The following NRG3 variants were observed in gnomAD, a reference collection of about 807,000 sequenced individuals.
NRG3 encodes the protein neuregulin 3.
NRG3 carries 31 observed loss-of-function variants against 66.9 expected under a neutral mutation model. That is an observed-to-expected ratio of 0.46 (90% CI 0.35 to 0.63). The LOEUF (loss-of-function observed/expected upper bound fraction) is 0.63, where lower values mean the gene tolerates loss of function less well. Ranked by LOEUF, NRG3 falls within the 20% of genes least tolerant of loss-of-function variation. The pLI is 0.00. For missense variants in NRG3, 910 were observed against 878.9 expected, an observed-to-expected ratio of 1.04 and a Z score of -0.45; for synonymous variants, 393 against 359.4, an observed-to-expected ratio of 1.09 and a Z score of -1.06.
chr10:82,309,164 A>G (rs2080895334), intron 1 of NRG3, among the ~76,000 whole-genome samples: 1 of 152,228 alleles, frequency 6.6e-6, no homozygotes, highest in Non-Finnish European at 1.5e-5. Context: ...AGCTCTGAAT[A>G]GAGAAGCTTT....
At chr10:81,876,823 C>T (rs559234429) in intron 1 of NRG3, among the ~76,000 whole-genome samples, 1 of 152,118 alleles carries the variant, frequency 6.6e-6, no homozygotes. Context: ...TGTGGCCATT[C>T]CAAGGTGTAG....
intron 3 of NRG3, among the ~76,000 whole-genome samples, chr10:82,861,210 T>C (rs2064108799): frequency 6.6e-6 from 1 of 151,928 alleles, no homozygotes; most frequent in Non-Finnish European, 1.5e-5. Context: ...AAGAGAAAAA[T>C]AATTTACATG....
At chr10:82,720,810 C>CATATACATATATATCTATATATAT (rs571675177) in intron 2 of NRG3, among the ~76,000 whole-genome samples, 1 of 114,740 alleles carries the variant, frequency 8.7e-6, no homozygotes. Context: ...GTATTTTATA[C>CATATACATATATATCTATATATAT]ATATATATAT....
At chr10:82,234,658 A>C (rs2076667987) in intron 1 of NRG3, among the ~76,000 whole-genome samples, 1 of 152,258 alleles carries the variant, frequency 6.6e-6, no homozygotes, top group South Asian at 2.1e-4. Flanking sequence ...TATTAACAAA[A>C]CATGAAAGAG....
At chr10:82,411,009 A>G (rs1049238301) in intron 2 of NRG3, among the ~76,000 whole-genome samples, 2 of 152,154 alleles carry the variant, frequency 1.3e-5, no homozygotes, top group African/African-American at 4.8e-5. Context: ...TTTACACTGG[A>G]CAAATTGTTG....
At chr10:82,713,928 GTGGATGGATGCCC>G (rs2056825281) in intron 2 of NRG3, among the ~76,000 whole-genome samples, 1 of 152,156 alleles carries the variant, frequency 6.6e-6, no homozygotes, top group Non-Finnish European at 1.5e-5. Flanking sequence ...TCCTGAAGAT[GTGGATGGATGCCC>G]TGCTGTCCCA....
intron 1 of NRG3, among the ~76,000 whole-genome samples, chr10:82,167,960 A>G (rs1464222801): frequency 6.6e-6 from 1 of 151,976 alleles, no homozygotes; most frequent in South Asian, 2.1e-4. Flanking sequence ...CTTCTTTTAT[A>G]TTGCTAAAGT....
chr10:82,980,242 T>C (rs1009007907), intron 8 of NRG3, among the ~76,000 whole-genome samples: 2 of 151,692 alleles, frequency 1.3e-5, no homozygotes, highest in Non-Finnish European at 2.9e-5. Context: ...TTGAGTAAAA[T>C]AATATCAACC....
At chr10:81,982,534 A>G (rs1049144813) in intron 1 of NRG3, among the ~76,000 whole-genome samples, 3 of 152,312 alleles carry the variant, frequency 2.0e-5, no homozygotes, top group Admixed American at 2.0e-4. Flanking sequence ...ACAAAATACC[A>G]CAGACAACAA....
At chr10:82,398,526 T>TGTGTGTGTGAGAGAGA (rs373924370) in intron 2 of NRG3, among the ~76,000 whole-genome samples, 2 of 136,518 alleles carry the variant, frequency 1.5e-5, no homozygotes, top group Non-Finnish European at 3.1e-5. Context: ...TGTGTGTGTG[T>TGTGTGTGTGAGAGAGA]GAGAGAGAGA....
intron 2 of NRG3, among the ~76,000 whole-genome samples, chr10:82,711,025 G>T (rs915344744): frequency 3.3e-5 from 5 of 152,114 alleles, no homozygotes; most frequent in Admixed American, 3.3e-4. Flanking sequence ...TCTTGCCTCA[G>T]TCTCCCAAGT....
chr10:82,843,111 A>G, intron 3 of NRG3: 1 of 320,982 alleles, frequency 3.1e-6, no homozygotes, highest in Non-Finnish European at 6.5e-6. Context: ...ATTTGTGGAG[A>G]AGATGGGGGA....
intron 2 of NRG3, among the ~76,000 whole-genome samples, chr10:82,460,892 C>T (rs1027570669): frequency 1.4e-4 from 21 of 152,190 alleles, no homozygotes; most frequent in African/African-American, 5.1e-4. Flanking sequence ...GCATTATTTC[C>T]TTCTCCATTT....
intron 1 of NRG3, among the ~76,000 whole-genome samples, chr10:82,082,852 C>T (rs964908383): frequency 2.0e-5 from 3 of 152,072 alleles, no homozygotes; most frequent in South Asian, 4.2e-4. Context: ...CTTTTTATTG[C>T]AAAGAAAGAA....
chr10:82,604,850 A>G (rs1029354497), intron 2 of NRG3, among the ~76,000 whole-genome samples: 5 of 152,070 alleles, frequency 3.3e-5, no homozygotes, highest in Non-Finnish European at 7.4e-5. Flanking sequence ...TGCAGATGGC[A>G]TTGTTTTAAT....
chr10:82,114,950 C>T (rs549328550), intron 1 of NRG3, among the ~76,000 whole-genome samples: 108 of 152,118 alleles, frequency 7.1e-4, no homozygotes, highest in Non-Finnish European at 1.4e-3. Context: ...TTTTGGAGGA[C>T]GTGTCTGTCT....
At chr10:82,573,346 C>T (rs946722825) in intron 2 of NRG3, among the ~76,000 whole-genome samples, 3 of 151,792 alleles carry the variant, frequency 2.0e-5, no homozygotes, top group Non-Finnish European at 4.4e-5. Context: ...AAGTTTACTT[C>T]AGATAAGTTT....
chr10:82,758,903 T>G (rs1231346530), intron 3 of NRG3, among the ~76,000 whole-genome samples: 1 of 149,802 alleles, frequency 6.7e-6, no homozygotes, highest in African/African-American at 2.5e-5. Flanking sequence ...AAAAAAAAAG[T>G]CCTCTGTGGT....
At chr10:82,925,255 C>CA (rs1355606561) in intron 4 of NRG3, among the ~76,000 whole-genome samples, 5 of 152,196 alleles carry the variant, frequency 3.3e-5, no homozygotes, top group Admixed American at 2.6e-4. Context: ...TACAGGAAGA[C>CA]AGTGTTTCTT....
Sources: gnomAD v4.1 joint callset for allele counts (sites outside exome capture counted in the v4.1 genomes callset) on GRCh38, gnomAD v4.1.1 for gene constraint, MANE v1.5 for transcripts, NCBI Gene and HGNC (gene_info 2026-07-23, HGNC 2026-07-21) for gene names.